The following ZNF484 variants were observed in gnomAD, a reference collection of about 807,000 sequenced individuals.
ZNF484 encodes the protein zinc finger protein 484, also known as KRAB box containing C2H2 type zinc finger bA526D8.4.
ZNF484 carries 11 observed loss-of-function variants against 12.9 expected under a neutral mutation model. That is an observed-to-expected ratio of 0.85 (90% CI 0.54 to 1.41). The LOEUF is 1.41. Among genes scored for constraint, ZNF484 ranks in the 40% most tolerant of loss-of-function variants. The probability of loss-of-function intolerance (pLI) is 0.00; values close to 1 mark genes in which losing one functional copy is unlikely to be tolerated. For synonymous variants in ZNF484, 289 were observed against 334.1 expected (o/e 0.86, Z 1.47); for missense variants, 807 against 1,007.7 (o/e 0.80, Z 2.70).
chr9:92,869,239 G>A (rs1282109999), intron 2 of ZNF484, among the ~76,000 whole-genome samples: 3 of 152,054 alleles, frequency 2.0e-5, no homozygotes, highest in African/African-American at 7.3e-5. Flanking sequence ...GACTAGCGAT[G>A]AATTACTGAT....
At chr9:92,874,910 T>G in intron 2 of ZNF484, 105 bp downstream of exon 2, 2 of 1,099,538 alleles carry the variant, frequency 1.8e-6, no homozygotes, top group South Asian at 3.1e-5. Flanking sequence ...TAGTTTTTAT[T>G]TATTTAGTCT....
intron 4 of ZNF484, among the ~76,000 whole-genome samples, chr9:92,853,739 T>C (rs1440262766): frequency 6.6e-6 from 1 of 152,024 alleles, no homozygotes; most frequent in Admixed American, 6.6e-5. Context: ...GTATAACCAG[T>C]TGGGAAGAGG....
At chr9:92,874,964 C>T in intron 2 of ZNF484, 51 bp downstream of exon 2, 1 of 1,586,466 alleles carries the variant, frequency 6.3e-7, no homozygotes, top group South Asian at 1.1e-5. Context: ...CTAAAATCCA[C>T]TAAAAGTAAA....
At chr9:92,870,721 G>A (rs1351918443) in intron 2 of ZNF484, among the ~76,000 whole-genome samples, 1 of 152,198 alleles carries the variant, frequency 6.6e-6, no homozygotes, top group Non-Finnish European at 1.5e-5. Context: ...AGGTAATGAG[G>A]CCCTATCCAA....
chr9:92,862,168 G>GA lies in ZNF484; in HGVS notation c.16-5851dup, dbSNP rs371771149. 6.7e-3 allele frequency: 6,003 copies of GA among 892,008 alleles called. 1 individual carries two copies. The highest frequency in any genetic ancestry group is 0.012 in the South Asian group (225 of 19,478). 55.3% of individuals were successfully genotyped at this position (892,008 alleles called of 1,614,324 possible). ...CCATTGGTAGTTGAGAAAGAAGTCT[G>GA]AAAAAAAAAATAAAAAAAGAATTAA... On this transcript the variant is annotated intron_variant, in intron 2 of 4. Transcript: ENST00000375495.
chr9:92,851,147 G>C (rs1391730823), intron 4 of ZNF484, among the ~76,000 whole-genome samples: 1 of 152,124 alleles, frequency 6.6e-6, no homozygotes, highest in African/African-American at 2.4e-5. Flanking sequence ...AAGTGATAAG[G>C]CCAATGTCTT....
At chr9:92,852,529 CTTTTTTT>C (rs760841960) in intron 4 of ZNF484, among the ~76,000 whole-genome samples, 3 of 63,484 alleles carry the variant, frequency 4.7e-5, no homozygotes, top group East Asian at 4.2e-4. Flanking sequence ...CACGCCCAGC[CTTTTTTT>C]TTTTTTTTTT....
rs1856439225 is a variant in ZNF484 at position 92,856,186 on chromosome 9, G to C, written c.142+6C>G. On this transcript the variant is annotated splice_donor_region_variant and intron_variant, in intron 3 of 4. Transcript: ENST00000375495. The stretch of plus-strand genomic sequence containing the variant: ...CCTACTCTATACCCAGCAGAGCCGT[G>C]CTTACCCACTGAGATCAAGTTGAAA... The C allele has an allele frequency of 6.2e-7, 1 of 1,613,332 alleles. No individual in the cohort carries two copies. The highest frequency in any genetic ancestry group is 8.5e-7 in the Non-Finnish European group (1 of 1,179,840).
At chr9:92,860,321 G>A (rs1409072359) in intron 2 of ZNF484, among the ~76,000 whole-genome samples, 1 of 152,150 alleles carries the variant, frequency 6.6e-6, no homozygotes, top group Non-Finnish European at 1.5e-5. Context: ...ATATACTTGA[G>A]GCCAGGCGCG....
Position 92,846,798 on chromosome 9 carries a change from A to C in ZNF484, c.1989T>G (p.Pro663=). ...CTTTCCCACAGTCACTACATTTATA[A>C]GGTTTCTCTCCAGTGTGAATTTTCT... ...THQKIHTGEK[P]YKCSDCGKAF... Residue 663 remains proline, a synonymous_variant, in exon 5 of 5, where the codon CCT becomes CCG. Coordinates refer to ENST00000375495, the MANE Select transcript of ZNF484 (RefSeq NM_031486.4). 1 of 1,613,534 alleles carries C rather than the reference A, an allele frequency of 6.2e-7. No individual in the cohort carries two copies.
At chr9:92,876,199 A>T (rs991426134) in intron 1 of ZNF484, among the ~76,000 whole-genome samples, 4 of 152,170 alleles carry the variant, frequency 2.6e-5, no homozygotes, top group African/African-American at 7.2e-5. Context: ...AATTAATAAT[A>T]CCCTATGATA....
chr9:92,857,468 A>G (rs1856533141), intron 2 of ZNF484, among the ~76,000 whole-genome samples: 1 of 152,218 alleles, frequency 6.6e-6, no homozygotes, highest in African/African-American at 2.4e-5. Context: ...ATTCTAGGGT[A>G]TATAGGGCAG....
intron 1 of ZNF484, among the ~76,000 whole-genome samples, chr9:92,876,465 T>C (rs1356846365): frequency 6.6e-6 from 1 of 152,040 alleles, no homozygotes; most frequent in African/African-American, 2.4e-5. Context: ...TGTAAACAAA[T>C]AGGTAATCTG....
intron 2 of ZNF484, among the ~76,000 whole-genome samples, chr9:92,873,632 G>C (rs1857595957): frequency 6.6e-6 from 1 of 152,100 alleles, no homozygotes; most frequent in Non-Finnish European, 1.5e-5. Context: ...GTTTTTTCCA[G>C]AAAACAGAAG....
chr9:92,863,065 A>G (rs1307871801), intron 2 of ZNF484, among the ~76,000 whole-genome samples: 1 of 152,182 alleles, frequency 6.6e-6, no homozygotes, highest in Non-Finnish European at 1.5e-5. Context: ...GCACATATAC[A>G]TCATGGAATA....
chr9:92,847,138 C>G lies in ZNF484; in HGVS notation c.1649G>C (p.Arg550Thr). ...RIHQKCHTGE[R>T]HYECSECGKA... ...CCCACATTCACTGCATTCATAATGT[C>G]TCTCTCCAGTATGACACTTCTGATG... The change falls in exon 5 of 5, where the codon AGA becomes ACA. Residue 550 changes from arginine (R) to threonine (T), a missense_variant. Arg to Thr is a moderately conservative substitution (Grantham distance 71, BLOSUM62 -1). Transcript: ENST00000375495. 1 of 1,613,920 alleles carries G rather than the reference C, an allele frequency of 6.2e-7. No homozygotes were observed. The highest frequency in any genetic ancestry group is 8.5e-7 in the Non-Finnish European group (1 of 1,179,978).
intron 4 of ZNF484, among the ~76,000 whole-genome samples, chr9:92,854,482 C>T (rs2117905216): frequency 6.6e-6 from 1 of 152,292 alleles, no homozygotes; most frequent in South Asian, 2.1e-4. Flanking sequence ...CTTTGGGAGT[C>T]CAAGGCGGGT....
intron 2 of ZNF484, among the ~76,000 whole-genome samples, chr9:92,857,194 G>C (rs1856517644): frequency 6.6e-6 from 1 of 152,186 alleles, no homozygotes; most frequent in Non-Finnish European, 1.5e-5. Context: ...CAAAGCACTG[G>C]AAAGCTGCTG....
chr9:92,870,269 TCAA>T (rs903740472), intron 2 of ZNF484, among the ~76,000 whole-genome samples: 2 of 151,824 alleles, frequency 1.3e-5, no homozygotes, highest in Non-Finnish European at 2.9e-5. Context: ...TCCAGAAACA[TCAA>T]CAAGTGCATA....
Sources: allele counts gnomAD v4.1 joint callset (sites outside exome capture counted in the v4.1 genomes callset), GRCh38; gene constraint gnomAD v4.1.1; transcripts MANE v1.5; gene names NCBI Gene and HGNC (gene_info 2026-07-23, HGNC 2026-07-21).